Variants in RNF180 observed in about 807,000 individuals in gnomAD.
RNF180 encodes ring finger protein 180, also known as E3 ubiquitin-protein ligase RNF180.
In RNF180, 38 loss-of-function variants were observed where a neutral mutation model predicts 59.2. The ratio of observed to expected loss-of-function variants is 0.64; its 90% confidence interval spans 0.50 to 0.84. RNF180 has a LOEUF of 0.84. RNF180 is among the 40% of genes least tolerant of loss of function. The pLI is 0.00. For missense variants in RNF180, 705 were observed against 700.9 expected, an observed-to-expected ratio of 1.01 and a Z score of -0.07; for synonymous variants, 262 against 240.3, an observed-to-expected ratio of 1.09 and a Z score of -0.84.
At chr5:64,334,885 TAA>T (rs1745056208) in intron 7 of RNF180, among the ~76,000 whole-genome samples, 1 of 152,196 alleles carries the variant, frequency 6.6e-6, no homozygotes, top group Non-Finnish European at 1.5e-5. Context: ...TCCTGGAACA[TAA>T]GAGTTACTCT....
intron 1 of RNF180, among the ~76,000 whole-genome samples, chr5:64,190,307 G>C (rs1244701924): frequency 1.3e-5 from 2 of 152,152 alleles, no homozygotes; most frequent in Non-Finnish European, 2.9e-5. Context: ...TTTAGAATGG[G>C]AATGGCAACC....
intron 2 of RNF180, among the ~76,000 whole-genome samples, 196 bp downstream of exon 2, chr5:64,201,138 A>T (rs555913952): frequency 6.6e-6 from 1 of 152,340 alleles, no homozygotes; most frequent in African/African-American, 2.4e-5. Context: ...ATCCCCTTCC[A>T]AGGTTAAAAT....
chr5:64,280,248 C>A (rs190505661), intron 5 of RNF180, among the ~76,000 whole-genome samples: 7 of 151,790 alleles, frequency 4.6e-5, no homozygotes, highest in Admixed American at 2.6e-4. Context: ...CAAATATTTT[C>A]TTCCATTCTA....
chr5:64,285,069 GA>G (rs1454919558), intron 5 of RNF180, among the ~76,000 whole-genome samples: 1 of 152,130 alleles, frequency 6.6e-6, no homozygotes. Context: ...TTCCTTTCTG[GA>G]AGATTTCACA....
intron 5 of RNF180, among the ~76,000 whole-genome samples, chr5:64,276,711 A>T (rs1479184491): frequency 6.6e-6 from 1 of 152,056 alleles, no homozygotes; most frequent in Non-Finnish European, 1.5e-5. Context: ...TAAATGAGGG[A>T]ATACAAATCA....
chr5:64,193,220 C>T (rs1413960211), intron 1 of RNF180, among the ~76,000 whole-genome samples: 1 of 151,648 alleles, frequency 6.6e-6, no homozygotes, highest in South Asian at 2.1e-4. Context: ...CAATATATTA[C>T]CTATAGTTAA....
At chr5:64,367,685 A>C (rs1746504170) in intron 7 of RNF180, among the ~76,000 whole-genome samples, 1 of 151,690 alleles carries the variant, frequency 6.6e-6, no homozygotes. Flanking sequence ...CAGAATAAGC[A>C]GCCTGACCTA....
chr5:64,170,169 C>G (rs546212331), intron 1 of RNF180, among the ~76,000 whole-genome samples: 4 of 152,218 alleles, frequency 2.6e-5, no homozygotes, highest in African/African-American at 9.6e-5. Flanking sequence ...CTTCCCAGTT[C>G]TGTTGTTTGT....
intron 7 of RNF180, among the ~76,000 whole-genome samples, chr5:64,352,555 C>G (rs1288209696): frequency 6.6e-6 from 1 of 151,980 alleles, no homozygotes; most frequent in African/African-American, 2.4e-5. Flanking sequence ...ATAAATTTCC[C>G]TCTACACACT....
intron 7 of RNF180, among the ~76,000 whole-genome samples, chr5:64,348,237 A>G (rs766694408): frequency 1.3e-5 from 2 of 152,140 alleles, no homozygotes; most frequent in East Asian, 3.9e-4. Context: ...ACAATAATAC[A>G]TGCCACAGGT....
chr5:64,173,479 A>C (rs2111887366), intron 1 of RNF180, among the ~76,000 whole-genome samples: 1 of 152,298 alleles, frequency 6.6e-6, no homozygotes, highest in African/African-American at 2.4e-5. Flanking sequence ...GAGAACATTC[A>C]AAATTCTCTC....
At chr5:64,298,067 C>G (rs1742977078) in intron 5 of RNF180, among the ~76,000 whole-genome samples, 1 of 151,898 alleles carries the variant, frequency 6.6e-6, no homozygotes, top group Non-Finnish European at 1.5e-5. Context: ...CACCATGTAT[C>G]CATGTGTTCT....
chr5:64,189,960 C>T lies in RNF180; in HGVS notation c.1-10848C>T, dbSNP rs190203766. On this transcript the variant is annotated intron_variant, in intron 1 of 7. Coordinates refer to ENST00000389100, the MANE Select transcript of RNF180 (RefSeq NM_001113561.2). Reference sequence around the variant, plus strand: ...TATCCTTCAACAAAAGATAAGGACCCGAAGATGATACAGAGATGCCTCCAC... The same window carrying T: ...TATCCTTCAACAAAAGATAAGGACCTGAAGATGATACAGAGATGCCTCCAC... 2.0e-5 allele frequency among the ~76,000 whole-genome samples: 3 copies of T among 152,210 alleles called. 1 individual carries two copies. Among genetic ancestry groups the T allele is most frequent in the Middle Eastern group, 3.4e-3 (1 of 294 alleles).
chr5:64,351,374 T>C (rs1048764867), intron 7 of RNF180, among the ~76,000 whole-genome samples: 2 of 152,134 alleles, frequency 1.3e-5, no homozygotes, highest in Admixed American at 6.6e-5. Context: ...CTTCCTCTTT[T>C]CCTAATTGAA....
At chr5:64,342,713 G>C (rs1745402182) in intron 7 of RNF180, among the ~76,000 whole-genome samples, 1 of 152,098 alleles carries the variant, frequency 6.6e-6, no homozygotes. Context: ...GATTAGAAGA[G>C]CTAGGGACCT....
intron 6 of RNF180, among the ~76,000 whole-genome samples, chr5:64,326,670 G>A (rs188500018): frequency 1.6e-4 from 25 of 152,152 alleles, no homozygotes; most frequent in East Asian, 1.4e-3. Context: ...GATAAATCCC[G>A]CTTGGTCATA....
At chr5:64,290,263 T>G (rs1742506327) in intron 5 of RNF180, among the ~76,000 whole-genome samples, 1 of 152,252 alleles carries the variant, frequency 6.6e-6, no homozygotes, top group Non-Finnish European at 1.5e-5. Context: ...ATTTCAATTA[T>G]TTTGCATTTG....
intron 5 of RNF180, among the ~76,000 whole-genome samples, chr5:64,219,555 A>G (rs1752803244): frequency 6.6e-6 from 1 of 151,844 alleles, no homozygotes; most frequent in Non-Finnish European, 1.5e-5. Context: ...TTGCTCTGTC[A>G]CCAGGCTGGA....
intron 4 of RNF180, among the ~76,000 whole-genome samples, chr5:64,215,161 A>G (rs548498519): frequency 5.3e-5 from 8 of 152,292 alleles, no homozygotes; most frequent in African/African-American, 1.7e-4. Flanking sequence ...ACTGAACAGT[A>G]AATGTTAGGT....
Sources: allele counts gnomAD v4.1 joint callset (sites outside exome capture counted in the v4.1 genomes callset), GRCh38; gene constraint gnomAD v4.1.1; transcripts MANE v1.5; gene names NCBI Gene and HGNC (gene_info 2026-07-23, HGNC 2026-07-21).